ADAMTSL1: variants seen among roughly 807,000 people sequenced by gnomAD.
ADAMTSL1 encodes the protein ADAMTS-like protein 1.
A neutral mutation model predicts 201.8 loss-of-function variants in ADAMTSL1; 126 were observed. That is an observed-to-expected ratio of 0.62 (90% CI 0.54 to 0.72). The LOEUF is 0.72. ADAMTSL1 is among the 30% of genes least tolerant of loss of function. The probability of loss-of-function intolerance (pLI) is 0.00; values close to 1 mark genes in which losing one functional copy is unlikely to be tolerated. For synonymous variants in ADAMTSL1, 1,121 were observed against 903.4 expected, an observed-to-expected ratio of 1.24 and a Z score of -4.32; for missense variants, 2,679 against 2,277.8, an observed-to-expected ratio of 1.18 and a Z score of -3.59.
At chr9:18,333,298 C>T (rs1351110477) in intron 2 of ADAMTSL1, among the ~76,000 whole-genome samples, 1 of 152,024 alleles carries the variant, frequency 6.6e-6, no homozygotes, top group African/African-American at 2.4e-5. Context: ...GGCAGTTTCC[C>T]CCATGCTGTT....
At chr9:18,116,682 C>A (rs1825264886) in intron 1 of ADAMTSL1, among the ~76,000 whole-genome samples, 1 of 152,014 alleles carries the variant, frequency 6.6e-6, no homozygotes, top group Admixed American at 6.6e-5. Flanking sequence ...TTAAAATTTT[C>A]TTTTTCTTTT....
intron 1 of ADAMTSL1, among the ~76,000 whole-genome samples, chr9:18,106,148 G>C (rs1051840978): frequency 7.2e-5 from 11 of 152,298 alleles, no homozygotes; most frequent in African/African-American, 2.4e-4. Flanking sequence ...TTGAGGGAAA[G>C]GGGAGTCACA....
At chr9:17,951,176 C>T (rs139370219) in intron 1 of ADAMTSL1, among the ~76,000 whole-genome samples, 62 of 152,230 alleles carry the variant, frequency 4.1e-4, no homozygotes, top group Middle Eastern at 6.8e-3. Context: ...GGGATTAGCT[C>T]CCGGGGCACA....
At chr9:18,855,478 C>G (rs563071051) in intron 23 of ADAMTSL1, among the ~76,000 whole-genome samples, 1 of 152,304 alleles carries the variant, frequency 6.6e-6, no homozygotes, top group East Asian at 1.9e-4. Context: ...CAAAATAGAT[C>G]AGGCCAGAGG....
upstream of ADAMTSL1, among the ~76,000 whole-genome samples, chr9:18,473,168 A>G (rs1266126287): frequency 6.6e-6 from 1 of 152,184 alleles, no homozygotes; most frequent in African/African-American, 2.4e-5. Context: ...TCTGCATTAT[A>G]ACAGCTCTGA....
At chr9:18,619,041 C>T (rs967713797) in intron 4 of ADAMTSL1, among the ~76,000 whole-genome samples, 2 of 151,988 alleles carry the variant, frequency 1.3e-5, no homozygotes, top group African/African-American at 2.4e-5. Context: ...CTTGAGCAGA[C>T]GCCTGATTTG....
chr9:18,380,048 T>G (rs1163531366), intron 2 of ADAMTSL1, among the ~76,000 whole-genome samples: 4 of 152,220 alleles, frequency 2.6e-5, no homozygotes, highest in African/African-American at 4.8e-5. Context: ...CTTTCCCATT[T>G]TCCTCATTCT....
At chr9:18,720,909 C>T (rs1210610092) in intron 14 of ADAMTSL1, among the ~76,000 whole-genome samples, 3 of 152,208 alleles carry the variant, frequency 2.0e-5, no homozygotes, top group South Asian at 2.1e-4. Flanking sequence ...TCAGGGCCTG[C>T]GGGTGTCAGT....
At chr9:18,110,426 G>A (rs117239053) in intron 1 of ADAMTSL1, among the ~76,000 whole-genome samples, 1 of 152,016 alleles carries the variant, frequency 6.6e-6, no homozygotes, top group Non-Finnish European at 1.5e-5. Context: ...AGGCCACCAG[G>A]GTCTATGACT....
At chr9:18,290,813 G>T (rs533703335) in intron 2 of ADAMTSL1, among the ~76,000 whole-genome samples, 57 of 141,116 alleles carry the variant, frequency 4.0e-4, no homozygotes, top group Non-Finnish European at 4.6e-4. Flanking sequence ...GCAGAGTCTC[G>T]CTCTGTCGCC....
intron 1 of ADAMTSL1, among the ~76,000 whole-genome samples, chr9:17,961,253 T>A (rs1817744459): frequency 6.6e-6 from 1 of 152,184 alleles, no homozygotes; most frequent in South Asian, 2.1e-4. Context: ...GTGATTATTA[T>A]TATTATTTTT....
rs114164812 is a variant in ADAMTSL1, at chr9:18,222,214, T to C, written c.207+58233T>C. 8.0e-3 allele frequency among the ~76,000 whole-genome samples: 1,222 copies of C among 152,078 alleles called. 25 individuals carry two copies. Among genetic ancestry groups the C allele is most frequent in the African/African-American group, 0.028 (1,158 of 41,566 alleles). Reference sequence around the variant, plus strand: ...TATAACATATAGCTAATTTTGTTTTTGCTTTTTTCTCAATCCAGTCTGATA... The same window carrying C: ...TATAACATATAGCTAATTTTGTTTTCGCTTTTTTCTCAATCCAGTCTGATA... On this transcript the variant is annotated intron_variant, in intron 2 of 29. Coordinates refer to the ADAMTSL1 transcript ENST00000680146.
At chr9:18,535,870 A>G (rs1819740498) in intron 3 of ADAMTSL1, among the ~76,000 whole-genome samples, 2 of 152,180 alleles carry the variant, frequency 1.3e-5, no homozygotes, top group Non-Finnish European at 2.9e-5. Flanking sequence ...TGAGTCAATT[A>G]TCTCCACCTG....
intron 13 of ADAMTSL1, among the ~76,000 whole-genome samples, chr9:18,697,754 T>C (rs1831642410): frequency 6.6e-6 from 1 of 152,172 alleles, no homozygotes; most frequent in Non-Finnish European, 1.5e-5. Context: ...TAACTCCTGA[T>C]TTTTTACTTG....
chr9:18,139,261 A>T (rs1418450545), intron 1 of ADAMTSL1, among the ~76,000 whole-genome samples: 2 of 152,164 alleles, frequency 1.3e-5, no homozygotes, highest in African/African-American at 2.4e-5. Context: ...AGTCAGTGTT[A>T]GATTTCCTCC....
rs527946836 is a variant in ADAMTSL1, at chr9:18,733,617, G to A, written c.2006+11952G>A. The stretch of plus-strand genomic sequence containing the variant: ...ATGCTTGTTCATGTTGTAAATTACC[G>A]ACACCACCACTCCCCCCACACACAC... On this transcript the variant is annotated intron_variant, in intron 15 of 28. Coordinates refer to ENST00000380548, the MANE Select transcript of ADAMTSL1 (RefSeq NM_001040272.6). 3.4e-3 allele frequency among the ~76,000 whole-genome samples: 478 copies of A among 142,520 alleles called. 3 individuals are homozygous for A. Among genetic ancestry groups the A allele is most frequent in the African/African-American group, 0.011 (429 of 38,684 alleles). The allele number at this position is 142,520 out of a possible 152,430, so 93.5% of individuals were successfully genotyped here.
At position 18,426,971 on chromosome 9, in the gene ADAMTSL1, G is replaced by A. The variant is rs190612802; in HGVS notation, c.208-77858G>A. Among the ~76,000 whole-genome samples the A allele has an allele frequency of 4.6e-5, 7 of 152,224 alleles. No individual in the cohort carries two copies. In the East Asian group the frequency reaches 1.2e-3, roughly 25 times the overall value. On this transcript the variant is annotated intron_variant, in intron 2 of 29. Coordinates refer to the ADAMTSL1 transcript ENST00000680146. ...AGGCTTGGAGAACTGTAGTATCTTC[G>A]AAACATTTTTATCATTTTCTGTACA...
chr9:18,829,264 C>T (rs1824822482), intron 22 of ADAMTSL1, among the ~76,000 whole-genome samples: 1 of 152,206 alleles, frequency 6.6e-6, no homozygotes, highest in South Asian at 2.1e-4. Flanking sequence ...CATTCTCCTC[C>T]CTGCTTTATC....
At chr9:17,993,589 G>A (rs1024609068) in intron 1 of ADAMTSL1, among the ~76,000 whole-genome samples, 17 of 152,136 alleles carry the variant, frequency 1.1e-4, no homozygotes, top group African/African-American at 4.1e-4. Flanking sequence ...TTCTCTCATT[G>A]TCAGCCATCT....
Sources: gnomAD v4.1 joint callset for allele counts (sites outside exome capture counted in the v4.1 genomes callset) on GRCh38, gnomAD v4.1.1 for gene constraint, MANE v1.5 for transcripts, NCBI Gene and HGNC (gene_info 2026-07-23, HGNC 2026-07-21) for gene names.